The following ADIPOR1 variants were observed in gnomAD, a reference collection of about 807,000 sequenced individuals.
ADIPOR1 encodes adiponectin receptor protein 1.
ADIPOR1 carries 15 observed loss-of-function variants against 37.5 expected under a neutral mutation model. The ratio of observed to expected loss-of-function variants is 0.40; its 90% CI spans 0.27 to 0.62. The LOEUF (loss-of-function observed/expected upper bound fraction) is 0.62, where lower values mean the gene tolerates loss of function less well. Ranked by LOEUF, ADIPOR1 falls within the 20% of genes least tolerant of loss-of-function variation. ADIPOR1 has a pLI of 0.42. For synonymous variants in ADIPOR1, 173 were observed against 173.2 expected, an observed-to-expected ratio of 1.00 and a Z score of 0.01; for missense variants, 286 against 478.0, an observed-to-expected ratio of 0.60 and a Z score of 3.75.
chr1:202,957,581 C>T (rs1429322495), intron 1 of ADIPOR1, among the ~76,000 whole-genome samples: 2 of 152,104 alleles, frequency 1.3e-5, no homozygotes. Flanking sequence ...ATTTCATTTT[C>T]CCCCAAAGTA....
At chr1:202,949,300 G>A (rs1351266112) in intron 2 of ADIPOR1, among the ~76,000 whole-genome samples, 1 of 151,764 alleles carries the variant, frequency 6.6e-6, no homozygotes, top group Non-Finnish European at 1.5e-5. Flanking sequence ...CACCCAGAGG[G>A]CCGGGCGCGG....
intron 4 of ADIPOR1, 107 bp from the exon 5 acceptor site, chr1:202,945,276 C>T (rs1654264117): frequency 7.7e-6 from 8 of 1,039,316 alleles, no homozygotes; most frequent in Non-Finnish European, 9.5e-6. Context: ...CACTAATCAT[C>T]AGGGAAATAC....
Position 202,941,001 on chromosome 1 carries a change from T to C in ADIPOR1, c.*572A>G, listed in dbSNP as rs1654058341. On this transcript the variant is annotated 3_prime_UTR_variant, in exon 8 of 8. Coordinates refer to ENST00000340990, the MANE Select transcript of ADIPOR1 (RefSeq NM_015999.6). ...GCCAAGAAAAAAAAAAAATTAAAAC[T>C]CAAGTTACTTGAAGCCTGGACACAC... 6.6e-6 allele frequency: 1 copy of C among 152,540 alleles called. No individual in the cohort carries two copies. Among genetic ancestry groups the C allele is most frequent in the Non-Finnish European group, 1.5e-5 (1 of 68,024 alleles). 9.4% of individuals were successfully genotyped at this position (152,540 alleles called of 1,614,324 possible).
chr1:202,947,098 C>T (rs989215945), intron 3 of ADIPOR1, among the ~76,000 whole-genome samples: 2 of 151,184 alleles, frequency 1.3e-5, no homozygotes, highest in East Asian at 2.0e-4. Context: ...CCTGGGCGAC[C>T]GAGCAAGACT....
chr1:202,948,286 GA>G lies in ADIPOR1; in HGVS notation c.258+17del. ...CTGCTGCCCTTCCCCTTCCAGGACA[GA>G]AGCTCATAGGCCATACCTTGTACAC... On this transcript the variant is annotated intron_variant, in intron 3 of 7. Coordinates refer to ENST00000340990, the MANE Select transcript of ADIPOR1 (RefSeq NM_015999.6). 1 of 1,573,502 alleles carries G rather than the reference GA, an allele frequency of 6.4e-7. No homozygotes were observed. Among genetic ancestry groups the G allele is most frequent in the South Asian group, 1.2e-5 (1 of 85,480 alleles).
rs572976771 is a variant in ADIPOR1, at chr1:202,950,255, G to A, written c.141+675C>T. Among the ~76,000 whole-genome samples, 5 of 151,888 alleles carry A rather than the reference G, an allele frequency of 3.3e-5. No homozygotes were observed. The East Asian group carries it at 9.9e-4, about 30-fold the overall frequency. On this transcript the variant is annotated intron_variant, in intron 2 of 7. Coordinates refer to ENST00000340990, the MANE Select transcript of ADIPOR1 (RefSeq NM_015999.6). Reference sequence around the variant, plus strand: ...TGGGATTACAGGTGTGAGCCACCGTGCCCGGCCCTGATAGTCCCTTTAAAA... The same window carrying A: ...TGGGATTACAGGTGTGAGCCACCGTACCCGGCCCTGATAGTCCCTTTAAAA...
In ADIPOR1 at chr1:202,941,713, A is replaced by G. The variant is rs769468576; in HGVS notation, c.1000-12T>C. On this transcript the variant is annotated splice_polypyrimidine_tract_variant and intron_variant, in intron 7 of 7. Transcript: ENST00000340990. ...TGATGAGACTGGAACTGTAGGAATA[A>G]AAAGAAAAGAGCCTTTAGGATAATG... is the stretch of plus-strand genomic sequence containing the variant. The G allele has an allele frequency of 5.6e-6, 9 of 1,605,508 alleles. No homozygotes were observed. In the African/African-American group the frequency reaches 9.5e-5, roughly 17 times the overall value.
chr1:202,943,802 T>G lies in ADIPOR1; in HGVS notation c.761A>C (p.Gln254Pro). ...VLGISAIIVA[Q>P]WDRFATPKHR... ...CTTAGGAGTGGCAAACCGGTCCCAC[T>G]GCGCCACAATGATGGCAGAAATGCC... Residue 254 changes from glutamine (Q) to proline (P), a missense_variant, in exon 6 of 8, where the codon CAG becomes CCG. Physicochemically the swap from Gln to Pro is moderately conservative, Grantham distance 76. Transcript: ENST00000340990. The G allele has an allele frequency of 6.2e-7, 1 of 1,613,974 alleles. No homozygotes were observed. Among genetic ancestry groups the G allele is most frequent in the Non-Finnish European group, 8.5e-7 (1 of 1,180,006 alleles).
At chr1:202,948,252 C>T in intron 3 of ADIPOR1, 52 bp downstream of exon 3, 1 of 1,441,576 alleles carries the variant, frequency 6.9e-7, no homozygotes, top group African/African-American at 1.4e-5. Flanking sequence ...GGGGACATCC[C>T]AGACAGGCCT....
chr1:202,944,283 T>G (rs1571560752), intron 5 of ADIPOR1: 1 of 197,774 alleles, frequency 5.1e-6, no homozygotes, highest in Non-Finnish European at 1.0e-5. Context: ...GGAAAGGCTT[T>G]GAAAATTCTC....
At chr1:202,955,300 T>C (rs1487007725) in intron 1 of ADIPOR1, among the ~76,000 whole-genome samples, 1 of 151,870 alleles carries the variant, frequency 6.6e-6, no homozygotes, top group African/African-American at 2.4e-5. Flanking sequence ...CAGCTCACTG[T>C]AGCCTCAATG....
chr1:202,949,479 C>T (rs1358605521), intron 2 of ADIPOR1, among the ~76,000 whole-genome samples: 1 of 150,072 alleles, frequency 6.7e-6, no homozygotes, highest in Non-Finnish European at 1.5e-5. Flanking sequence ...ACTCGGGAGG[C>T]TGAGGCAGGA....
At chr1:202,953,770 A>G (rs1051276786) in intron 1 of ADIPOR1, among the ~76,000 whole-genome samples, 4 of 152,354 alleles carry the variant, frequency 2.6e-5, no homozygotes, top group African/African-American at 9.6e-5. Flanking sequence ...GTAGTTTGTG[A>G]TATGCACAAA....
chr1:202,944,884 C>T, intron 5 of ADIPOR1, 99 bp downstream of exon 5: 1 of 1,224,466 alleles, frequency 8.2e-7, no homozygotes, highest in East Asian at 2.3e-5. Flanking sequence ...ATCAAGAAAC[C>T]TTTAGGAGTG....
chr1:202,948,855 G>A (rs1035215006), intron 2 of ADIPOR1, among the ~76,000 whole-genome samples: 2 of 150,986 alleles, frequency 1.3e-5, no homozygotes, highest in Non-Finnish European at 1.5e-5. Context: ...ACAGTGGTGC[G>A]ATCTCTGTTC....
chr1:202,954,404 A>G (rs1463847237), intron 1 of ADIPOR1: 1 of 152,226 alleles, frequency 6.6e-6, no homozygotes, highest in Non-Finnish European at 1.5e-5. Context: ...TACCACTTCT[A>G]TGGGGTGGAT....
chr1:202,950,723 G>A (rs16850799), intron 2 of ADIPOR1, among the ~76,000 whole-genome samples: 31,916 of 152,124 alleles, frequency 0.21, 4,167 homozygotes, highest in East Asian at 0.46. Context: ...AAGCACTGGT[G>A]TTACAAAGAT....
rs1173866875 is a variant in ADIPOR1, at chr1:202,953,603, T to C, written c.-94-2439A>G. ...CTTGTGGTGGCTTCTCTTATCCCTT[T>C]CCCCAGAGTAAGTCAACACATTCAT... On this transcript the variant is annotated intron_variant, in intron 1 of 7. Transcript: ENST00000340990. Among the ~76,000 whole-genome samples, 3 of 152,108 alleles carry C rather than the reference T, an allele frequency of 2.0e-5. No homozygotes were observed. In the East Asian group the frequency reaches 5.8e-4, roughly 29 times the overall value.
intron 3 of ADIPOR1, among the ~76,000 whole-genome samples, chr1:202,946,996 A>C (rs1027057562): frequency 6.6e-6 from 1 of 151,904 alleles, no homozygotes; most frequent in Non-Finnish European, 1.5e-5. Context: ...GGCACCTGTA[A>C]TCCCAGCTAC....
Sources: gnomAD v4.1 joint callset for allele counts (sites outside exome capture counted in the v4.1 genomes callset) on GRCh38, gnomAD v4.1.1 for gene constraint, MANE v1.5 for transcripts, NCBI Gene and HGNC (gene_info 2026-07-23, HGNC 2026-07-21) for gene names.